Variants in TBC1D32 observed in about 807,000 individuals in gnomAD.
The protein encoded by TBC1D32 is TBC1 domain family member 32.
A neutral mutation model predicts 170.3 loss-of-function variants in TBC1D32; 151 were observed. That is an observed-to-expected ratio of 0.89 (90% CI 0.78 to 1.01). The LOEUF is 1.01. Among genes scored for constraint, TBC1D32 ranks in the 50% least tolerant of loss-of-function variants. TBC1D32 has a pLI of 0.00. For synonymous variants in TBC1D32, 498 were observed against 488.0 expected (o/e 1.02, Z -0.27); for missense variants, 1,464 against 1,457.1 (o/e 1.00, Z -0.08).
chr6:121,245,320 GC>G (rs1373430452), intron 17 of TBC1D32, among the ~76,000 whole-genome samples: 2 of 152,174 alleles, frequency 1.3e-5, no homozygotes, highest in African/African-American at 4.8e-5. Context: ...CTGGAGCCTG[GC>G]AGCCCTACTG....
At chr6:121,139,623 T>C (rs537307147) in intron 24 of TBC1D32, among the ~76,000 whole-genome samples, 1 of 152,312 alleles carries the variant, frequency 6.6e-6, no homozygotes, top group African/African-American at 2.4e-5. Flanking sequence ...TTAAGGATAT[T>C]GTTCTAGTGA....
intron 26 of TBC1D32, among the ~76,000 whole-genome samples, chr6:121,125,580 T>C (rs1294682506): frequency 2.6e-5 from 4 of 152,084 alleles, no homozygotes; most frequent in Non-Finnish European, 5.9e-5. Flanking sequence ...GAGCTGATAC[T>C]ACGCTCCTCA....
intron 9 of TBC1D32, among the ~76,000 whole-genome samples, chr6:121,299,903 C>T (rs1281074419): frequency 6.6e-6 from 1 of 152,136 alleles, no homozygotes; most frequent in Non-Finnish European, 1.5e-5. Context: ...TCTACATGTG[C>T]AGAAATGTGC....
At chr6:121,294,355 T>C (rs1805301514) in intron 11 of TBC1D32, among the ~76,000 whole-genome samples, 2 of 152,186 alleles carry the variant, frequency 1.3e-5, no homozygotes, top group Admixed American at 6.5e-5. Context: ...AGAATCAGTA[T>C]GGTTGTACAT....
intron 24 of TBC1D32, among the ~76,000 whole-genome samples, chr6:121,158,298 C>T (rs1198265724): frequency 6.6e-6 from 1 of 152,120 alleles, no homozygotes; most frequent in Non-Finnish European, 1.5e-5. Flanking sequence ...ATACTTCTGA[C>T]TATGCTTTAG....
At chr6:121,116,541 T>C (rs1046635162) in intron 26 of TBC1D32, among the ~76,000 whole-genome samples, 15 of 152,200 alleles carry the variant, frequency 9.9e-5, no homozygotes, top group Non-Finnish European at 1.5e-5. Flanking sequence ...CTAATGTTTT[T>C]TCTCTTCTGG....
intron 24 of TBC1D32, among the ~76,000 whole-genome samples, chr6:121,142,127 C>T (rs1313298162): frequency 1.3e-5 from 2 of 152,234 alleles, no homozygotes; most frequent in Non-Finnish European, 2.9e-5. Context: ...CTTAGGGGGG[C>T]TGCAAACTCT....
At position 121,233,948 on chromosome 6, in the gene TBC1D32, CTG is replaced by C. The variant is rs201828206; in HGVS notation, c.2364+5120_2364+5121del. Among the ~76,000 whole-genome samples, 1,201 of 152,276 alleles carry C rather than the reference CTG, an allele frequency of 7.9e-3. 20 individuals carry two copies. The highest frequency in any genetic ancestry group is 0.027 in the African/African-American group (1,113 of 41,574). ...TCAGCAGTTGTTTGTCTGAAAAAGA[CTG>C]TATCTTTCTTTCATTGATGAAGCCT... On this transcript the variant is annotated intron_variant, in intron 20 of 31. Coordinates refer to ENST00000398212, the MANE Select transcript of TBC1D32 (RefSeq NM_152730.6).
chr6:121,127,541 C>T (rs1780984030), intron 25 of TBC1D32, among the ~76,000 whole-genome samples: 1 of 152,084 alleles, frequency 6.6e-6, no homozygotes, highest in African/African-American at 2.4e-5. Flanking sequence ...GTTCTATCTT[C>T]ATGTGTAGAC....
chr6:121,303,683 C>G lies in TBC1D32; in HGVS notation c.1014G>C (p.Lys338Asn), dbSNP rs776088581. 1.3e-6 allele frequency: 2 copies of G among 1,597,520 alleles called. No homozygotes were observed. The highest frequency in any genetic ancestry group is 2.2e-5 in the East Asian group (1 of 44,646). The change falls in exon 9 of 32, where the codon AAG becomes AAC. Residue 338 changes from lysine (K) to asparagine (N), a missense_variant. Lys to Asn is a moderately conservative substitution (Grantham distance 94). Coordinates refer to ENST00000398212, the MANE Select transcript of TBC1D32 (RefSeq NM_152730.6). ...CAAAAAAGTAGATCGGATCCAAAAT[C>G]TTTTGTGAGACAACATGGCTTTGAT... ...KHNQSHVVSQ[K>N]ILDPIYFFAL... is the part of the protein sequence containing the mutation.
chr6:121,121,138 T>C (rs1432998777), intron 26 of TBC1D32, among the ~76,000 whole-genome samples: 1 of 151,988 alleles, frequency 6.6e-6, no homozygotes, highest in African/African-American at 2.4e-5. Flanking sequence ...AATAAAACTA[T>C]CAAAATGGTA....
chr6:121,153,754 C>T (rs1332838230), intron 24 of TBC1D32, among the ~76,000 whole-genome samples: 1 of 152,054 alleles, frequency 6.6e-6, no homozygotes, highest in African/African-American at 2.4e-5. Context: ...GAGGTGGGCT[C>T]CACCCAGTCC....
At chr6:121,221,108 C>T (rs965748513) in intron 21 of TBC1D32, among the ~76,000 whole-genome samples, 9 of 152,170 alleles carry the variant, frequency 5.9e-5, no homozygotes, top group African/African-American at 2.2e-4. Context: ...GAAGCCAATG[C>T]TCATTTACCA....
At chr6:121,156,617 T>C (rs1485526822) in intron 24 of TBC1D32, among the ~76,000 whole-genome samples, 1 of 152,038 alleles carries the variant, frequency 6.6e-6, no homozygotes, top group Non-Finnish European at 1.5e-5. Context: ...GATCATTAAT[T>C]TAAGGTCTTT....
chr6:121,085,023 T>C (rs537770448), intron 31 of TBC1D32, among the ~76,000 whole-genome samples: 3 of 151,664 alleles, frequency 2.0e-5, no homozygotes, highest in East Asian at 3.9e-4. Flanking sequence ...CTATGAGACA[T>C]ATAGAATAAA....
At chr6:121,334,630 G>A (rs1582503174), upstream of TBC1D32, 1 of 630,614 alleles carries the variant, frequency 1.6e-6, no homozygotes. Flanking sequence ...TGGGGAAGCA[G>A]GGGTCCGCGA....
intron 30 of TBC1D32, among the ~76,000 whole-genome samples, chr6:121,094,208 C>A (rs1282695896): frequency 6.6e-6 from 1 of 151,786 alleles, no homozygotes; most frequent in Non-Finnish European, 1.5e-5. Context: ...CACTCCATCA[C>A]CCAGGCTGGA....
chr6:121,158,766 G>A (rs1340825939), intron 24 of TBC1D32, among the ~76,000 whole-genome samples: 1 of 152,180 alleles, frequency 6.6e-6, no homozygotes, highest in Non-Finnish European at 1.5e-5. Flanking sequence ...TTTTGGTGTT[G>A]TAATTTGGGC....
At chr6:121,180,068 A>T (rs7771881) in intron 22 of TBC1D32, among the ~76,000 whole-genome samples, 101,842 of 152,000 alleles carry the variant, frequency 0.67, 38,786 homozygotes, top group Non-Finnish European at 0.86. Flanking sequence ...AAAACTACAA[A>T]ATTTTAATGA....
Sources: allele counts gnomAD v4.1 joint callset (sites outside exome capture counted in the v4.1 genomes callset), GRCh38; gene constraint gnomAD v4.1.1; transcripts MANE v1.5; gene names NCBI Gene and HGNC (gene_info 2026-07-23, HGNC 2026-07-21).